SULF1: variants seen among roughly 807,000 people sequenced by gnomAD.
SULF1 encodes extracellular sulfatase Sulf-1.
In SULF1, 46 loss-of-function variants were observed where a neutral mutation model predicts 110.5. The ratio of observed to expected loss-of-function variants is 0.42; its 90% CI spans 0.33 to 0.53. The LOEUF (loss-of-function observed/expected upper bound fraction) is 0.53. Ranked by LOEUF, SULF1 falls within the 20% of genes least tolerant of loss-of-function variation. The pLI, the probability that SULF1 is intolerant of heterozygous loss-of-function variation, is 0.12. For synonymous variants in SULF1, 371 were observed against 387.1 expected (o/e 0.96, Z 0.49); for missense variants, 941 against 1,094.2 (o/e 0.86, Z 1.98).
intron 19 of SULF1, among the ~76,000 whole-genome samples, chr8:69,634,641 G>T (rs1810835457): frequency 6.6e-6 from 1 of 151,948 alleles, no homozygotes; most frequent in South Asian, 2.1e-4. Context: ...CTTGCCTGTA[G>T]TCCCAGCTAC....
rs117740272 is a variant in SULF1 at position 69,522,951 on chromosome 8, G to A, written c.-134+20983G>A. 3.9e-3 allele frequency among the ~76,000 whole-genome samples: 595 copies of A among 152,348 alleles called. 1 individual carries two copies. Among genetic ancestry groups the A allele is most frequent in the Non-Finnish European group, 6.5e-3 (442 of 68,028 alleles). On this transcript the variant is annotated intron_variant, in intron 3 of 22. Coordinates refer to ENST00000402687, the MANE Select transcript of SULF1 (RefSeq NM_001128205.2). The stretch of plus-strand genomic sequence containing the variant: ...AGAAATATGACAACTCTTTCAGGGA[G>A]TTTGCTGCAAATGGAGCAGAGAGAA...
chr8:69,534,131 G>A (rs1813283565), intron 3 of SULF1, among the ~76,000 whole-genome samples: 1 of 152,098 alleles, frequency 6.6e-6, no homozygotes, highest in African/African-American at 2.4e-5. Context: ...GTTCATCCTG[G>A]GGGCTGAGTA....
intron 5 of SULF1, among the ~76,000 whole-genome samples, chr8:69,570,605 G>C (rs965695047): frequency 1.3e-5 from 2 of 152,172 alleles, no homozygotes; most frequent in Admixed American, 6.5e-5. Flanking sequence ...AGTATATAAA[G>C]TGATTTAAAT....
In SULF1 at chr8:69,627,466, G is replaced by A. The variant is rs182839019; in HGVS notation, c.1947+160G>A. Among the ~76,000 whole-genome samples, 241 of 152,214 alleles carry A rather than the reference G, an allele frequency of 1.6e-3. 1 individual carries two copies. Among genetic ancestry groups the A allele is most frequent in the Non-Finnish European group, 9.1e-4 (62 of 68,018 alleles). On this transcript the variant is annotated intron_variant, in intron 16 of 22. Coordinates refer to ENST00000402687, the MANE Select transcript of SULF1 (RefSeq NM_001128205.2). ...ATTTGTCTTTCTCCAGTGATTTAAT[G>A]ATAGTCCTACTGAAAACAATATAGA...
intron 6 of SULF1, among the ~76,000 whole-genome samples, chr8:69,577,927 C>G (rs1805735708): frequency 6.6e-6 from 1 of 152,244 alleles, no homozygotes; most frequent in Admixed American, 6.5e-5. Flanking sequence ...AAACGCCTTC[C>G]AGAGATACAG....
At chr8:69,477,718 C>G (rs977846929) in intron 1 of SULF1, among the ~76,000 whole-genome samples, 3 of 152,126 alleles carry the variant, frequency 2.0e-5, no homozygotes, top group Non-Finnish European at 4.4e-5. Context: ...TGATTTTGAG[C>G]AAATTAGTTA....
intron 3 of SULF1, among the ~76,000 whole-genome samples, chr8:69,511,790 A>T (rs903414211): frequency 6.6e-6 from 1 of 152,242 alleles, no homozygotes. Context: ...GGACAAATGT[A>T]TAATAACATA....
chr8:69,503,354 G>A (rs1810947004), intron 3 of SULF1, among the ~76,000 whole-genome samples: 1 of 152,150 alleles, frequency 6.6e-6, no homozygotes, highest in Admixed American at 6.6e-5. Context: ...TCAGATGCTT[G>A]TCATAAACGA....
At chr8:69,559,130 A>G (rs1054728903) in intron 3 of SULF1, among the ~76,000 whole-genome samples, 1 of 152,230 alleles carries the variant, frequency 6.6e-6, no homozygotes, top group Admixed American at 6.5e-5. Context: ...GTAGTTGGAA[A>G]GTAGAAGCAT....
intron 5 of SULF1, among the ~76,000 whole-genome samples, chr8:69,565,596 G>T (rs371103411): frequency 1.3e-5 from 2 of 151,994 alleles, no homozygotes; most frequent in East Asian, 3.9e-4. Flanking sequence ...TTCCCTCACC[G>T]GTTTGTCACC....
chr8:69,629,678 C>T lies in SULF1; in HGVS notation c.2283C>T (p.Asn761=). 2 of 1,597,638 alleles carry T rather than the reference C, an allele frequency of 1.3e-6. No homozygotes were observed. The highest frequency in any genetic ancestry group is 1.7e-6 in the Non-Finnish European group (2 of 1,171,954). The part of the protein sequence containing the change: ...NNHWQTAPFW[N]LGSFCACTSS... ...ACTGGCAGACAGCCCCGTTCTGGAA[C>T]CGTAAGTTGCTTGTTCCAAATGCCA... The change falls in exon 19 of 23, where the codon AAC becomes AAT. Residue 761 remains asparagine, a splice_region_variant and synonymous_variant. Transcript: ENST00000402687.
chr8:69,471,047 C>T (rs980815201), intron 1 of SULF1, among the ~76,000 whole-genome samples: 2 of 152,218 alleles, frequency 1.3e-5, no homozygotes, highest in African/African-American at 4.8e-5. Flanking sequence ...ATTCATCCTT[C>T]AAAGTTTCAG....
At chr8:69,596,448 C>A (rs1253120516) in intron 8 of SULF1, among the ~76,000 whole-genome samples, 5 of 152,034 alleles carry the variant, frequency 3.3e-5, no homozygotes, top group African/African-American at 1.2e-4. Flanking sequence ...CCTAGAAGGG[C>A]CAGACTTTAT....
chr8:69,559,164 A>C (rs996837490), intron 3 of SULF1, among the ~76,000 whole-genome samples: 1 of 152,232 alleles, frequency 6.6e-6, no homozygotes, highest in African/African-American at 2.4e-5. Flanking sequence ...TCAGATACTT[A>C]TAGATATTTT....
intron 13 of SULF1, among the ~76,000 whole-genome samples, chr8:69,612,241 C>T (rs1808717710): frequency 6.6e-6 from 1 of 152,096 alleles, no homozygotes. Flanking sequence ...TTTCTTTATG[C>T]ACTTGTTGGT....
intron 1 of SULF1, among the ~76,000 whole-genome samples, chr8:69,470,622 A>G (rs1273755355): frequency 1.3e-5 from 2 of 152,076 alleles, no homozygotes; most frequent in African/African-American, 2.4e-5. Flanking sequence ...ACAGCCTCCT[A>G]AATGGTCCAC....
intron 5 of SULF1, among the ~76,000 whole-genome samples, chr8:69,567,486 C>A (rs1443509488): frequency 6.6e-6 from 1 of 152,150 alleles, no homozygotes; most frequent in African/African-American, 2.4e-5. Flanking sequence ...TAAACAGCAA[C>A]TCCCGTTTCT....
intron 3 of SULF1, among the ~76,000 whole-genome samples, chr8:69,533,248 A>ATATTT (rs892264457): frequency 2.0e-5 from 3 of 152,158 alleles, no homozygotes; most frequent in Non-Finnish European, 4.4e-5. Flanking sequence ...TGAGTTTTTT[A>ATATTT]TATTTTATTT....
At chr8:69,592,241 G>A (rs987324643) in intron 8 of SULF1, among the ~76,000 whole-genome samples, 6 of 152,272 alleles carry the variant, frequency 3.9e-5, no homozygotes, top group Admixed American at 2.0e-4. Flanking sequence ...CTAGAAACTG[G>A]AGAATGGGCT....
Sources: allele counts gnomAD v4.1 joint callset (sites outside exome capture counted in the v4.1 genomes callset), GRCh38; gene constraint gnomAD v4.1.1; transcripts MANE v1.5; gene names NCBI Gene and HGNC (gene_info 2026-07-23, HGNC 2026-07-21).